EFCAB11: variants seen among roughly 807,000 people sequenced by gnomAD.
The protein encoded by EFCAB11 is EF-hand calcium-binding domain-containing protein 11.
In EFCAB11, 14 loss-of-function variants were observed where a neutral mutation model predicts 23.0. The ratio of observed to expected loss-of-function variants is 0.61; its 90% CI spans 0.40 to 0.95. The LOEUF (loss-of-function observed/expected upper bound fraction) is 0.95. Ranked by LOEUF, EFCAB11 falls within the 40% of genes least tolerant of loss-of-function variation. EFCAB11 has a pLI of 0.00. For synonymous variants in EFCAB11, 65 were observed against 66.6 expected, an observed-to-expected ratio of 0.98 and a Z score of 0.11; for missense variants, 198 against 195.8, an observed-to-expected ratio of 1.01 and a Z score of -0.07.
intron 5 of EFCAB11, among the ~76,000 whole-genome samples, chr14:89,920,993 A>G (rs1371894418): frequency 1.3e-5 from 2 of 149,806 alleles, no homozygotes; most frequent in African/African-American, 5.0e-5. Context: ...TGAACCTGGG[A>G]GGCAGAGGTT....
intron 5 of EFCAB11, among the ~76,000 whole-genome samples, chr14:89,891,793 C>T (rs1439704896): frequency 6.6e-6 from 1 of 152,076 alleles, no homozygotes; most frequent in Non-Finnish European, 1.5e-5. Context: ...GGGACGCGGC[C>T]ATGGAGGCCG....
chr14:89,934,431 T>G lies in EFCAB11; in HGVS notation c.218-1804A>C, dbSNP rs143503120. Among the ~76,000 whole-genome samples, 833 of 152,134 alleles carry G rather than the reference T, an allele frequency of 5.5e-3. 4 individuals are homozygous for G. Among genetic ancestry groups the G allele is most frequent in the African/African-American group, 0.019 (792 of 41,482 alleles). ...GTAGATTCTGGCTTGAAGAGCTACTTAAAGAGAGGAGAAAGTCTGGGGGAA... is the reference window on the plus strand; with the variant it reads ...GTAGATTCTGGCTTGAAGAGCTACTGAAAGAGAGGAGAAAGTCTGGGGGAA... On this transcript the variant is annotated intron_variant, in intron 3 of 5. Transcript: ENST00000316738.
At chr14:89,835,340 G>A (rs571266681) in intron 5 of EFCAB11, among the ~76,000 whole-genome samples, 16 of 152,212 alleles carry the variant, frequency 1.1e-4, no homozygotes, top group African/African-American at 4.8e-5. Flanking sequence ...CTGCATATAC[G>A]TAATGAGATA....
intron 5 of EFCAB11, among the ~76,000 whole-genome samples, chr14:89,894,417 GT>G (rs530488609): frequency 6.6e-4 from 99 of 150,868 alleles, no homozygotes; most frequent in African/African-American, 2.3e-3. Flanking sequence ...GCCTCCAGTT[GT>G]CCCCCCCACC....
At chr14:89,946,838 A>C (rs1891003638) in intron 3 of EFCAB11, among the ~76,000 whole-genome samples, 1 of 151,176 alleles carries the variant, frequency 6.6e-6, no homozygotes, top group African/African-American at 2.4e-5. Flanking sequence ...TTGGCCTCCC[A>C]AAGTGCTTGG....
chr14:89,851,220 C>T (rs1887592576), intron 5 of EFCAB11, among the ~76,000 whole-genome samples: 1 of 152,204 alleles, frequency 6.6e-6, no homozygotes, highest in Non-Finnish European at 1.5e-5. Context: ...GTAATATAGG[C>T]AGCCTTTGTA....
chr14:89,879,981 G>A (rs531987614), intron 5 of EFCAB11, among the ~76,000 whole-genome samples: 4 of 152,150 alleles, frequency 2.6e-5, no homozygotes, highest in South Asian at 2.1e-4. Context: ...GTGTGGGTAC[G>A]CATGTCAGCA....
chr14:89,929,353 T>A (rs906319008), intron 5 of EFCAB11, among the ~76,000 whole-genome samples: 2 of 151,994 alleles, frequency 1.3e-5, no homozygotes, highest in Non-Finnish European at 2.9e-5. Context: ...CCAGGCCGAA[T>A]TTCTGTTTTT....
At chr14:89,861,491 C>T (rs570426258) in intron 5 of EFCAB11, among the ~76,000 whole-genome samples, 1 of 152,342 alleles carries the variant, frequency 6.6e-6, no homozygotes, top group African/African-American at 2.4e-5. Context: ...CCTTTCTCAT[C>T]ATGTCCCTTC....
In EFCAB11 at chr14:89,797,877, G is replaced by A. The variant is rs552962570; in HGVS notation, c.411-553C>T. On this transcript the variant is annotated intron_variant, in intron 5 of 5. Coordinates refer to ENST00000316738, the MANE Select transcript of EFCAB11 (RefSeq NM_145231.4). Reference sequence around the variant, plus strand: ...GAACCCAGGAGGCAGAGGTTGCAGTGAGCCGAGATCACGCCACTGCACTCC... The same window carrying A: ...GAACCCAGGAGGCAGAGGTTGCAGTAAGCCGAGATCACGCCACTGCACTCC... 1.8e-4 allele frequency among the ~76,000 whole-genome samples: 27 copies of A among 152,214 alleles called. No homozygotes were observed. In the South Asian group the frequency reaches 5.0e-3, roughly 28 times the overall value.
chr14:89,850,941 T>C (rs1233094128), intron 5 of EFCAB11, among the ~76,000 whole-genome samples: 1 of 152,188 alleles, frequency 6.6e-6, no homozygotes, highest in Admixed American at 6.5e-5. Context: ...ACTCAGTATC[T>C]TGCCTAGGAC....
chr14:89,935,512 A>C (rs1890549977), intron 3 of EFCAB11, among the ~76,000 whole-genome samples: 1 of 151,424 alleles, frequency 6.6e-6, no homozygotes, highest in Non-Finnish European at 1.5e-5. Context: ...TCCTAGCCTC[A>C]AGTTATCCCC....
chr14:89,871,759 C>A (rs192581702), intron 5 of EFCAB11, among the ~76,000 whole-genome samples: 1 of 152,188 alleles, frequency 6.6e-6, no homozygotes, highest in African/African-American at 2.4e-5. Flanking sequence ...TATTATCCTG[C>A]AATTTACACC....
intron 5 of EFCAB11, among the ~76,000 whole-genome samples, chr14:89,803,511 T>C (rs766139964): frequency 6.6e-6 from 1 of 152,222 alleles, no homozygotes; most frequent in Non-Finnish European, 1.5e-5. Context: ...ACCTGAAATG[T>C]GAATGAGAAA....
intron 5 of EFCAB11, among the ~76,000 whole-genome samples, chr14:89,885,036 T>C (rs1328968884): frequency 1.3e-5 from 2 of 152,198 alleles, no homozygotes; most frequent in African/African-American, 4.8e-5. Flanking sequence ...ATTTCTGTTG[T>C]TTAAGCCACC....
At chr14:89,853,350 A>C (rs1045457704) in intron 5 of EFCAB11, among the ~76,000 whole-genome samples, 1 of 152,244 alleles carries the variant, frequency 6.6e-6, no homozygotes, top group Non-Finnish European at 1.5e-5. Context: ...AGCTTCCTCT[A>C]CTATATAAAA....
intron 5 of EFCAB11, among the ~76,000 whole-genome samples, chr14:89,832,434 G>A (rs985664443): frequency 6.6e-6 from 1 of 152,156 alleles, no homozygotes; most frequent in Non-Finnish European, 1.5e-5. Flanking sequence ...CAACTTGGGA[G>A]CTCTCCAGTT....
chr14:89,875,831 C>G (rs77467466), intron 5 of EFCAB11, among the ~76,000 whole-genome samples: 2,702 of 152,124 alleles, frequency 0.018, 72 homozygotes, highest in African/African-American at 0.061. Flanking sequence ...TGAAATATCC[C>G]AGAGAAGTAT....
At chr14:89,933,460 C>T (rs1890470295) in intron 3 of EFCAB11, among the ~76,000 whole-genome samples, 1 of 152,190 alleles carries the variant, frequency 6.6e-6, no homozygotes, top group African/African-American at 2.4e-5. Flanking sequence ...TAACCACATG[C>T]ACATTTTTTC....
Sources: allele counts gnomAD v4.1 joint callset (sites outside exome capture counted in the v4.1 genomes callset), GRCh38; gene constraint gnomAD v4.1.1; transcripts MANE v1.5; gene names NCBI Gene and HGNC (gene_info 2026-07-23, HGNC 2026-07-21).